The following ARHGAP24 variants were observed in gnomAD, a reference collection of about 807,000 sequenced individuals.
ARHGAP24 encodes Rho GTPase activating protein 24.
In ARHGAP24, 50 loss-of-function variants were observed where a neutral mutation model predicts 76.4. The ratio of observed to expected loss-of-function variants is 0.65; its 90% CI spans 0.52 to 0.83. ARHGAP24 has a LOEUF of 0.83. ARHGAP24 is among the 40% of genes least tolerant of loss of function. The pLI is 0.00. For synonymous variants in ARHGAP24, 345 were observed against 323.3 expected (o/e 1.07, Z -0.72); for missense variants, 930 against 914.2 (o/e 1.02, Z -0.22).
chr4:85,689,471 C>T (rs887032500), intron 2 of ARHGAP24, among the ~76,000 whole-genome samples: 1 of 152,122 alleles, frequency 6.6e-6, no homozygotes, highest in African/African-American at 2.4e-5. Flanking sequence ...ACTACAATCT[C>T]CACCTCCTGG....
At chr4:85,650,394 T>G (rs77776367) in intron 2 of ARHGAP24, among the ~76,000 whole-genome samples, 1,710 of 149,762 alleles carry the variant, frequency 0.011, 35 homozygotes, top group South Asian at 0.046. Flanking sequence ...AACAGAAGAC[T>G]GCTTGGGTTT....
At chr4:85,992,113 T>C (rs1560771098) in intron 8 of ARHGAP24, 1 of 397,476 alleles carries the variant, frequency 2.5e-6, no homozygotes, top group African/African-American at 2.1e-5. Flanking sequence ...GGGCTGGTGA[T>C]TATAACCAGT....
Position 85,980,675 on chromosome 4 carries a change from T to C in ARHGAP24, c.928+2984T>C, listed in dbSNP as rs191819152. Among the ~76,000 whole-genome samples, 574 of 152,366 alleles carry C rather than the reference T, an allele frequency of 3.8e-3. 6 individuals are homozygous for C. Among genetic ancestry groups the C allele is most frequent in the Admixed American group, 6.5e-3 (100 of 15,300 alleles). On this transcript the variant is annotated intron_variant, in intron 8 of 9. Coordinates refer to ENST00000395184, the MANE Select transcript of ARHGAP24 (RefSeq NM_001025616.3). ...TATGTATGTAAATCTATCCACTTAATGTTCACTACTGGTCCTTGTATTGAT... is the reference window on the plus strand; with the variant it reads ...TATGTATGTAAATCTATCCACTTAACGTTCACTACTGGTCCTTGTATTGAT...
chr4:85,584,469 A>G (rs1365184371), intron 2 of ARHGAP24, among the ~76,000 whole-genome samples: 1 of 151,478 alleles, frequency 6.6e-6, no homozygotes, highest in Non-Finnish European at 1.5e-5. Context: ...GAGGGATAGC[A>G]TTAGGAGATA....
At chr4:85,704,162 T>G (rs908876760) in intron 2 of ARHGAP24, among the ~76,000 whole-genome samples, 7 of 151,100 alleles carry the variant, frequency 4.6e-5, no homozygotes, top group Non-Finnish European at 8.8e-5. Flanking sequence ...ATATATACAG[T>G]TTTTTTTTGT....
chr4:85,677,907 C>T lies in ARHGAP24; in HGVS notation c.181-43978C>T, dbSNP rs747435303. Among the ~76,000 whole-genome samples the T allele has an allele frequency of 3.3e-5, 5 of 152,048 alleles. No individual in the cohort carries two copies. The South Asian group carries it at 8.3e-4, about 25-fold the overall frequency. On this transcript the variant is annotated intron_variant, in intron 2 of 9. Transcript: ENST00000395184. ...TATAGAGAATTAGCCAGACATGGGG[C>T]CGTGTGCCCGTAGTCCCAGTTATTG...
At position 85,923,712 on chromosome 4, in the gene ARHGAP24, T is replaced by A; in HGVS notation, c.333T>A (p.Asn111Lys). ...ACCTCCTCATGGCAAGCACCCAGAA[T>A]GATATGGAAGACTGGGTGAAGTCAA... The part of the protein sequence containing the change: ...ESYLLMASTQ[N>K]DMEDWVKSIR... Residue 111 changes from asparagine (N) to lysine (K), a missense_variant, in exon 4 of 10, where the codon AAT becomes AAA. Transcript: ENST00000395184. 1 of 1,613,918 alleles carries A rather than the reference T, an allele frequency of 6.2e-7. No individual in the cohort carries two copies. The highest frequency in any genetic ancestry group is 1.3e-5 in the African/African-American group (1 of 75,008).
intron 3 of ARHGAP24, among the ~76,000 whole-genome samples, chr4:85,744,923 C>T (rs79083700): frequency 0.033 from 5,088 of 152,250 alleles, 258 homozygotes; most frequent in African/African-American, 0.12. Flanking sequence ...TACAGAATAT[C>T]ATATGCCAGC....
intron 5 of ARHGAP24, among the ~76,000 whole-genome samples, chr4:85,946,856 A>G (rs918136391): frequency 6.6e-6 from 1 of 152,170 alleles, no homozygotes; most frequent in Non-Finnish European, 1.5e-5. Context: ...TATTAGTGGG[A>G]CTGCTGGGTT....
At chr4:85,539,776 T>C (rs1725606360) in intron 1 of ARHGAP24, among the ~76,000 whole-genome samples, 1 of 152,164 alleles carries the variant, frequency 6.6e-6, no homozygotes, top group Non-Finnish European at 1.5e-5. Flanking sequence ...AGGTTTACAA[T>C]ATGGAAAATA....
At chr4:85,688,430 CT>C (rs1179596535) in intron 2 of ARHGAP24, among the ~76,000 whole-genome samples, 1 of 151,590 alleles carries the variant, frequency 6.6e-6, no homozygotes, top group East Asian at 1.9e-4. Context: ...TATTTGTTTT[CT>C]GCTTGTTATT....
intron 2 of ARHGAP24, among the ~76,000 whole-genome samples, chr4:85,665,710 G>A (rs966445886): frequency 5.9e-5 from 9 of 152,130 alleles, no homozygotes; most frequent in African/African-American, 1.7e-4. Flanking sequence ...GGCAGGCCTG[G>A]TGGTGACAAA....
intron 2 of ARHGAP24, among the ~76,000 whole-genome samples, chr4:85,571,337 TGA>T (rs1355620966): frequency 2.6e-5 from 4 of 152,242 alleles, no homozygotes; most frequent in African/African-American, 9.6e-5. Flanking sequence ...AAGACTGCAA[TGA>T]GAGAGAAGAA....
At chr4:85,784,718 T>C (rs1174106106) in intron 3 of ARHGAP24, among the ~76,000 whole-genome samples, 1 of 152,056 alleles carries the variant, frequency 6.6e-6, no homozygotes, top group Non-Finnish European at 1.5e-5. Context: ...CCTCCATCAC[T>C]TTTTATACAA....
At chr4:85,511,160 A>T (rs1724267111) in intron 1 of ARHGAP24, among the ~76,000 whole-genome samples, 1 of 152,260 alleles carries the variant, frequency 6.6e-6, no homozygotes. Flanking sequence ...AAATAATTAC[A>T]AAAATTGTGC....
chr4:85,603,383 C>T (rs927843894), intron 2 of ARHGAP24, among the ~76,000 whole-genome samples: 6 of 152,154 alleles, frequency 3.9e-5, no homozygotes, highest in Admixed American at 2.6e-4. Context: ...ATCCTTGATA[C>T]CTCCCTTCAT....
chr4:85,996,045 A>G (rs1422330815), intron 9 of ARHGAP24, among the ~76,000 whole-genome samples: 1 of 152,204 alleles, frequency 6.6e-6, no homozygotes, highest in Non-Finnish European at 1.5e-5. Flanking sequence ...TAACAAGAAA[A>G]GGATGAAACT....
chr4:85,959,093 T>C (rs1434303931), intron 5 of ARHGAP24, among the ~76,000 whole-genome samples: 1 of 152,218 alleles, frequency 6.6e-6, no homozygotes, highest in African/African-American at 2.4e-5. Flanking sequence ...GGCCACTCCA[T>C]AGACAGAGCA....
intron 8 of ARHGAP24, among the ~76,000 whole-genome samples, chr4:85,992,335 A>G (rs1740385560): frequency 1.4e-5 from 2 of 143,250 alleles, no homozygotes; most frequent in South Asian, 4.7e-4. Context: ...ATGGAATCAA[A>G]GCTTCCCAAG....
Sources: allele counts gnomAD v4.1 joint callset (sites outside exome capture counted in the v4.1 genomes callset), GRCh38; gene constraint gnomAD v4.1.1; transcripts MANE v1.5; gene names NCBI Gene and HGNC (gene_info 2026-07-23, HGNC 2026-07-21).